NF1: variants seen among roughly 807,000 people sequenced by gnomAD.
The protein encoded by NF1 is neurofibromin.
In NF1, 122 loss-of-function variants were observed where a neutral mutation model predicts 325.7. The observed-to-expected ratio is 0.37, with a 90% CI of 0.32 to 0.44. NF1 has a LOEUF of 0.44. Ranked by LOEUF, NF1 falls within the 20% of genes least tolerant of loss-of-function variation. NF1 has a pLI of 1.00. For missense variants in NF1, 2,140 were observed against 3,415.4 expected, an observed-to-expected ratio of 0.63 and a Z score of 9.31; for synonymous variants, 1,091 against 1,186.0, an observed-to-expected ratio of 0.92 and a Z score of 1.65.
At chr17:31,115,405 G>A (rs1320379069) in intron 1 of NF1, among the ~76,000 whole-genome samples, 1 of 152,168 alleles carries the variant, frequency 6.6e-6, no homozygotes, top group Non-Finnish European at 1.5e-5. Flanking sequence ...TTCCCTGCTT[G>A]GGAACCAAGG....
intron 13 of NF1, among the ~76,000 whole-genome samples, chr17:31,216,465 T>C (rs752564966): frequency 1.6e-4 from 24 of 152,238 alleles, no homozygotes; most frequent in Non-Finnish European, 3.5e-4. Context: ...TTAGGAGGAA[T>C]GTAGGAATAA....
intron 1 of NF1, among the ~76,000 whole-genome samples, chr17:31,101,362 C>T (rs1912326038): frequency 6.6e-6 from 1 of 152,070 alleles, no homozygotes; most frequent in African/African-American, 2.4e-5. Context: ...CCTATCCTAG[C>T]CATTAGCTTT....
rs535588660 is a variant in NF1, at chr17:31,167,817, C to T, written c.480-2074C>T. Among the ~76,000 whole-genome samples the T allele has an allele frequency of 9.2e-5, 14 of 152,184 alleles. No individual in the cohort carries two copies. In the South Asian group the frequency reaches 1.9e-3, roughly 20 times the overall value. On this transcript the variant is annotated intron_variant, in intron 4 of 57. Coordinates refer to ENST00000358273, the MANE Select transcript of NF1 (RefSeq NM_001042492.3). ...ATTTGTTAAGTGTTAAATGTTTCTA[C>T]GTTTGTGATAACTTCATATTCAACA...
intron 8 of NF1, among the ~76,000 whole-genome samples, chr17:31,199,477 TG>T (rs2066489373): frequency 6.6e-6 from 1 of 152,240 alleles, no homozygotes; most frequent in Non-Finnish European, 1.5e-5. Flanking sequence ...AGACTTATTT[TG>T]TAGCCTAACA....
At chr17:31,308,279 A>G (rs1228948331) in intron 36 of NF1, among the ~76,000 whole-genome samples, 4 of 151,918 alleles carry the variant, frequency 2.6e-5, no homozygotes, top group Non-Finnish European at 1.5e-5. Flanking sequence ...CTGGGACTAC[A>G]GTAGGCATAC....
intron 4 of NF1, among the ~76,000 whole-genome samples, chr17:31,165,563 G>A (rs1426766436): frequency 6.6e-6 from 1 of 152,166 alleles, no homozygotes; most frequent in Admixed American, 6.5e-5. Context: ...TATAATAGAT[G>A]AATCAGTATC....
At chr17:31,163,401 C>A (rs1261394781) in intron 4 of NF1, 25 bp downstream of exon 4, 2 of 1,602,376 alleles carry the variant, frequency 1.2e-6, no homozygotes, top group Non-Finnish European at 1.7e-6. Context: ...CCACATGGGA[C>A]TACTGAAGTA....
chr17:31,129,319 T>C (rs951514857), intron 1 of NF1, among the ~76,000 whole-genome samples: 1 of 151,992 alleles, frequency 6.6e-6, no homozygotes, highest in Non-Finnish European at 1.5e-5. Context: ...TTCTTGGGGG[T>C]TTTGTTTGTT....
chr17:31,249,114 T>C lies in NF1; in HGVS notation c.4105T>C (p.Tyr1369His). 6.2e-7 allele frequency: 1 copy of C among 1,614,012 alleles called. No homozygotes were observed. Among genetic ancestry groups the C allele is most frequent in the Non-Finnish European group, 8.5e-7 (1 of 1,179,908 alleles). Residue 1369 changes from tyrosine to histidine, a missense_variant, in exon 30 of 58, where the codon TAC becomes CAC. Tyr to His is a moderately conservative substitution (Grantham distance 83). Transcript: ENST00000358273. ...ACTTCGAAGTGTGTGCCACTGTTTATACCAGGTATGCTTACAGTTAGAGAT... is the reference window on the plus strand; with the variant it reads ...ACTTCGAAGTGTGTGCCACTGTTTACACCAGGTATGCTTACAGTTAGAGAT... ...PQLRSVCHCLYQATCHSLLNK... is the reference protein window; with the variant it reads ...PQLRSVCHCLHQATCHSLLNK...
chr17:31,373,475 GT>G (rs2070683492), intron 57 of NF1, among the ~76,000 whole-genome samples: 3 of 152,098 alleles, frequency 2.0e-5, no homozygotes. Flanking sequence ...CATTTTTCTT[GT>G]GCTATTTTCT....
In NF1 at chr17:31,225,098, G is replaced by A. The variant is rs1131691135; in HGVS notation, c.1849G>A (p.Ala617Thr). The A allele has an allele frequency of 6.2e-7, 1 of 1,613,214 alleles. No homozygotes were observed. The highest frequency in any genetic ancestry group is 1.3e-5 in the African/African-American group (1 of 74,828). The change falls in exon 17 of 58, where the codon GCA becomes ACA. Residue 617 changes from alanine (A) to threonine (T), a missense_variant. Around this residue, in one of 10 missense-constraint regions of NF1, gnomAD observed 45 missense variants for 42.5 expected, o/e 1.06. Coordinates refer to ENST00000358273, the MANE Select transcript of NF1 (RefSeq NM_001042492.3). The stretch of plus-strand genomic sequence containing the variant: ...TTATTTATTTATTTTTTTCTAGCAG[G>A]CAGATAGAAGTTCCTGTCACTTTCT... ...RNKFLLKNKQ[A>T]DRSSCHFLLF...
Position 31,259,201 on chromosome 17 carries a change from C to T in NF1, c.4430+72C>T, listed in dbSNP as rs112394672. 959 of 1,049,304 alleles carry T rather than the reference C, an allele frequency of 9.1e-4. 9 individuals are homozygous for T. The African/African-American group carries it at 0.013, about 14-fold the overall frequency. The allele number at this position is 1,049,304 out of a possible 1,614,324, so 65.0% of individuals were successfully genotyped here. A position where few individuals can be genotyped will look rare whatever the true frequency, so the allele number is the denominator to read the frequency against. Reference sequence around the variant, plus strand: ...TTTCGGTTTCACATAAATCCATGTACCTGTTTTACATGAAGTTCCTGTGTA... The same window carrying T: ...TTTCGGTTTCACATAAATCCATGTATCTGTTTTACATGAAGTTCCTGTGTA... On this transcript the variant is annotated intron_variant, in intron 33 of 57. Transcript: ENST00000358273.
At chr17:31,239,390 A>G (rs1330923947) in intron 29 of NF1, among the ~76,000 whole-genome samples, 2 of 152,220 alleles carry the variant, frequency 1.3e-5, no homozygotes, top group Non-Finnish European at 2.9e-5. Context: ...GCAAAGACAA[A>G]CAGAAGAATA....
At chr17:31,316,049 A>G (rs1309537220) in intron 36 of NF1, among the ~76,000 whole-genome samples, 1 of 152,002 alleles carries the variant, frequency 6.6e-6, no homozygotes, top group Non-Finnish European at 1.5e-5. Context: ...GGCACATGCT[A>G]CTATGCTCGC....
At chr17:31,337,259 G>A in intron 42 of NF1, 109 bp from the exon 43 acceptor site, 1 of 892,744 alleles carries the variant, frequency 1.1e-6, no homozygotes, top group Non-Finnish European at 1.8e-6. Flanking sequence ...ACATGATTAT[G>A]TAATTTTTAT....
chr17:31,182,460 G>C (rs2143784074), intron 7 of NF1, 48 bp from the exon 8 acceptor site: 1 of 1,585,604 alleles, frequency 6.3e-7, no homozygotes. Flanking sequence ...TTAATGCCAG[G>C]GATTTTGTTC....
chr17:31,159,262 A>G (rs1480901907), intron 3 of NF1, among the ~76,000 whole-genome samples, 169 bp downstream of exon 3: 2 of 152,172 alleles, frequency 1.3e-5, no homozygotes, highest in South Asian at 4.1e-4. Context: ...ACAATTTTTC[A>G]TGAGAAAATT....
chr17:31,222,636 C>T (rs140543376), intron 15 of NF1: 87 of 591,576 alleles, frequency 1.5e-4, no homozygotes, highest in African/African-American at 1.3e-3. Flanking sequence ...TAAAAAGAAG[C>T]AGGTAAAATT....
intron 50 of NF1, 49 bp from the exon 51 acceptor site, chr17:31,352,208 T>G (rs2151576746): frequency 6.4e-7 from 1 of 1,567,998 alleles, no homozygotes; most frequent in Non-Finnish European, 8.8e-7. Flanking sequence ...ACGATGGTTG[T>G]ATTTGTCACC....
Sources: gnomAD v4.1 joint callset for allele counts (sites outside exome capture counted in the v4.1 genomes callset) on GRCh38, gnomAD v4.1.1 for gene constraint, gnomAD v4.1.1 regional missense constraint, MANE v1.5 for transcripts, NCBI Gene and HGNC (gene_info 2026-07-23, HGNC 2026-07-21) for gene names.